Variants in SPAG16 observed in about 807,000 individuals in gnomAD.
SPAG16 encodes sperm-associated antigen 16 protein.
Under a neutral mutation model 80.4 loss-of-function variants are expected in SPAG16, and 86 were observed. The ratio of observed to expected loss-of-function variants is 1.07; its 90% CI spans 0.90 to 1.28. The LOEUF is 1.28. Ranked by LOEUF, SPAG16 falls within the 50% of genes most tolerant of loss-of-function variation. The pLI, the probability that SPAG16 is intolerant of heterozygous loss-of-function variation, is 0.00. For missense variants in SPAG16, 870 were observed against 765.3 expected (o/e 1.14, Z -1.61); for synonymous variants, 294 against 265.9 (o/e 1.11, Z -1.03).
At chr2:213,475,685 T>G (rs956109017) in intron 9 of SPAG16, among the ~76,000 whole-genome samples, 2 of 152,302 alleles carry the variant, frequency 1.3e-5, no homozygotes, top group Admixed American at 1.3e-4. Context: ...CCTAGCCTTC[T>G]GTTGTTGACT....
chr2:213,627,054 C>T (rs1462296898), intron 10 of SPAG16, among the ~76,000 whole-genome samples: 1 of 152,082 alleles, frequency 6.6e-6, no homozygotes, highest in Non-Finnish European at 1.5e-5. Flanking sequence ...GAAGTTACAG[C>T]GAGACTATTT....
At chr2:213,974,672 T>C (rs1275927932) in intron 12 of SPAG16, among the ~76,000 whole-genome samples, 3 of 152,088 alleles carry the variant, frequency 2.0e-5, no homozygotes, top group Non-Finnish European at 4.4e-5. Context: ...TATAAGTATA[T>C]TTTTCTAAGT....
In SPAG16 at chr2:213,586,754, T is replaced by A. The variant is rs1252297320; in HGVS notation, c.1070+96664T>A. Among the ~76,000 whole-genome samples the A allele has an allele frequency of 2.0e-5, 3 of 152,226 alleles. No homozygotes were observed. In the East Asian group the frequency reaches 5.8e-4, roughly 29 times the overall value. On this transcript the variant is annotated intron_variant, in intron 10 of 15. Transcript: ENST00000331683. ...TGTGAAATCAGACCTGTTGTGTGTT[T>A]ACAAATTACAATGATGGGGTAGACA...
chr2:213,621,995 C>T (rs76168408), intron 10 of SPAG16, among the ~76,000 whole-genome samples: 9,284 of 152,050 alleles, frequency 0.061, 924 homozygotes, highest in African/African-American at 0.21. Flanking sequence ...TGTGGAGCTC[C>T]CTTCTCTAAG....
intron 10 of SPAG16, among the ~76,000 whole-genome samples, chr2:213,565,125 T>G (rs1161678772): frequency 6.6e-6 from 1 of 152,226 alleles, no homozygotes; most frequent in Non-Finnish European, 1.5e-5. Flanking sequence ...GGCCTAGCTC[T>G]ACCCCCAGCA....
chr2:213,929,519 A>G (rs2078652944), intron 11 of SPAG16, among the ~76,000 whole-genome samples: 1 of 152,204 alleles, frequency 6.6e-6, no homozygotes, highest in African/African-American at 2.4e-5. Flanking sequence ...GCACTCCTGA[A>G]GCATTTAATT....
chr2:213,300,671 A>T (rs1281901572), intron 3 of SPAG16, among the ~76,000 whole-genome samples: 1 of 152,148 alleles, frequency 6.6e-6, no homozygotes, highest in Non-Finnish European at 1.5e-5. Context: ...GTTAGTTTTT[A>T]TTAAAAAAAT....
At chr2:213,814,252 G>A (rs2072373673) in intron 10 of SPAG16, among the ~76,000 whole-genome samples, 2 of 152,122 alleles carry the variant, frequency 1.3e-5, no homozygotes, top group African/African-American at 4.8e-5. Context: ...CTGCTGCTTT[G>A]GGAAACCTCA....
At chr2:213,670,143 T>G (rs1034434918) in intron 10 of SPAG16, among the ~76,000 whole-genome samples, 2 of 151,930 alleles carry the variant, frequency 1.3e-5, no homozygotes, top group Non-Finnish European at 2.9e-5. Context: ...TACAGGTGCC[T>G]GCCACCATGC....
chr2:214,086,486 C>G (rs1436204495), intron 13 of SPAG16, among the ~76,000 whole-genome samples: 1 of 152,010 alleles, frequency 6.6e-6, no homozygotes, highest in African/African-American at 2.4e-5. Flanking sequence ...ATCATGGAGG[C>G]AGTCCCCCTG....
chr2:213,671,486 G>C (rs913212621), intron 10 of SPAG16, among the ~76,000 whole-genome samples: 5 of 152,160 alleles, frequency 3.3e-5, no homozygotes, highest in Non-Finnish European at 5.9e-5. Context: ...TGGCACTTCA[G>C]AGCCACTGCT....
rs141499213 is a variant in SPAG16, at chr2:213,812,865, CT to C, written c.1071-49610del. 1.3e-3 allele frequency among the ~76,000 whole-genome samples: 190 copies of C among 147,800 alleles called. 3 individuals are homozygous for C. The East Asian group carries it at 0.03, about 23-fold the overall frequency. ...TTTGATGCATTGTTTCATATGTTAT[CT>C]TTTTTTTTTGAGTTTCAGATAACCT... is the stretch of plus-strand genomic sequence containing the variant. On this transcript the variant is annotated intron_variant, in intron 10 of 15. Coordinates refer to ENST00000331683, the MANE Select transcript of SPAG16 (RefSeq NM_024532.5).
At chr2:213,733,982 C>T (rs1003126196) in intron 10 of SPAG16, among the ~76,000 whole-genome samples, 5 of 151,950 alleles carry the variant, frequency 3.3e-5, no homozygotes, top group Non-Finnish European at 7.4e-5. Context: ...GAAAGGAGTC[C>T]GTTACTAAAC....
At chr2:213,301,620 T>G (rs538527055) in intron 3 of SPAG16, among the ~76,000 whole-genome samples, 1 of 152,244 alleles carries the variant, frequency 6.6e-6, no homozygotes, top group South Asian at 2.1e-4. Flanking sequence ...CCTCTTTCTT[T>G]TCTCATCTGA....
chr2:214,290,692 A>G (rs1035656763), intron 15 of SPAG16, among the ~76,000 whole-genome samples: 8 of 152,094 alleles, frequency 5.3e-5, no homozygotes, highest in African/African-American at 7.2e-5. Context: ...ATAGTTTCCA[A>G]CGTTCCTCTT....
At chr2:214,173,552 A>C (rs1044341588) in intron 15 of SPAG16, among the ~76,000 whole-genome samples, 2 of 152,018 alleles carry the variant, frequency 1.3e-5, no homozygotes, top group African/African-American at 4.8e-5. Flanking sequence ...GAATAGACCA[A>C]TAACAGGCTC....
intron 9 of SPAG16, among the ~76,000 whole-genome samples, chr2:213,437,816 A>C (rs567858987): frequency 6.6e-6 from 1 of 152,172 alleles, no homozygotes; most frequent in Non-Finnish European, 1.5e-5. Flanking sequence ...CTTTCTTTCA[A>C]TGAGTAAGCA....
intron 13 of SPAG16, among the ~76,000 whole-genome samples, chr2:214,065,991 T>G (rs568471711): frequency 1.3e-5 from 2 of 152,356 alleles, no homozygotes; most frequent in Non-Finnish European, 2.9e-5. Context: ...ACTTTACTAG[T>G]GCAGATTATC....
chr2:214,221,797 T>C (rs1293161633), intron 15 of SPAG16, among the ~76,000 whole-genome samples: 3 of 152,182 alleles, frequency 2.0e-5, no homozygotes, highest in Admixed American at 6.5e-5. Context: ...AGCATTTCAA[T>C]TACATGCTTG....
Sources: allele counts gnomAD v4.1 joint callset (sites outside exome capture counted in the v4.1 genomes callset), GRCh38; gene constraint gnomAD v4.1.1; transcripts MANE v1.5; gene names NCBI Gene and HGNC (gene_info 2026-07-23, HGNC 2026-07-21).